KCNIP4: variants seen among roughly 807,000 people sequenced by gnomAD.
The protein encoded by KCNIP4 is potassium voltage-gated channel interacting protein 4.
A neutral mutation model predicts 34.0 loss-of-function variants in KCNIP4; 12 were observed. The ratio of observed to expected loss-of-function variants is 0.35; its 90% CI spans 0.23 to 0.57. The LOEUF (loss-of-function observed/expected upper bound fraction) is 0.57. KCNIP4 is among the 20% of genes least tolerant of loss of function. The probability of loss-of-function intolerance (pLI) is 0.83; values close to 1 mark genes in which losing one functional copy is unlikely to be tolerated. For synonymous variants in KCNIP4, 124 were observed against 102.2 expected, an observed-to-expected ratio of 1.21 and a Z score of -1.29; for missense variants, 238 against 311.7, an observed-to-expected ratio of 0.76 and a Z score of 1.78.
At chr4:21,345,261 G>A (rs773666849) in intron 1 of KCNIP4, among the ~76,000 whole-genome samples, 4 of 152,026 alleles carry the variant, frequency 2.6e-5, no homozygotes, top group South Asian at 2.1e-4. Flanking sequence ...AACTGGGGTC[G>A]GTCCACAACC....
intron 1 of KCNIP4, among the ~76,000 whole-genome samples, chr4:21,087,953 G>A (rs188542326): frequency 1.0e-3 from 155 of 151,962 alleles, no homozygotes; most frequent in African/African-American, 3.3e-3. Context: ...ATATAATGTC[G>A]CTACTTATTT....
At chr4:20,767,686 C>T (rs909092335) in intron 3 of KCNIP4, among the ~76,000 whole-genome samples, 6 of 152,066 alleles carry the variant, frequency 3.9e-5, no homozygotes, top group African/African-American at 1.2e-4. Context: ...AATCTTTGCC[C>T]ACTCTATTAG....
At chr4:21,556,930 A>AAAAC (rs1739094153) in intron 1 of KCNIP4, among the ~76,000 whole-genome samples, 1 of 108,192 alleles carries the variant, frequency 9.2e-6, no homozygotes, top group African/African-American at 3.2e-5. Context: ...CAGAAAAAAA[A>AAAAC]AAAAAAAAAA....
chr4:21,501,870 A>T (rs1733383108), intron 1 of KCNIP4, among the ~76,000 whole-genome samples: 1 of 149,842 alleles, frequency 6.7e-6, no homozygotes, highest in South Asian at 2.1e-4. Context: ...CCCCTTGCTG[A>T]CAATTTAAAA....
At chr4:21,229,712 C>A (rs1758658031) in intron 1 of KCNIP4, among the ~76,000 whole-genome samples, 2 of 152,084 alleles carry the variant, frequency 1.3e-5, no homozygotes, top group South Asian at 4.1e-4. Context: ...CTTTAGAAGG[C>A]ATCATTGGAG....
chr4:21,116,155 A>G (rs11929857), intron 1 of KCNIP4, among the ~76,000 whole-genome samples: 71,161 of 152,028 alleles, frequency 0.47, 17,544 homozygotes, highest in African/African-American at 0.63. Context: ...TCTATTTATA[A>G]ATAGCAAGTA....
chr4:21,489,788 T>A lies in KCNIP4; in HGVS notation c.61+458783A>T, dbSNP rs904441722. On this transcript the variant is annotated intron_variant, in intron 1 of 8. Transcript: ENST00000382152. ...TAGACTCAGAATACAGACAATTTTT[T>A]ATCACTGGGAGTCTTTAATCCCAAA... is the stretch of plus-strand genomic sequence containing the variant. Among the ~76,000 whole-genome samples the A allele has an allele frequency of 3.9e-5, 6 of 152,256 alleles. No individual in the cohort carries two copies. In the East Asian group the frequency reaches 1.2e-3, roughly 29 times the overall value.
At chr4:21,107,601 T>C (rs1373635174) in intron 1 of KCNIP4, among the ~76,000 whole-genome samples, 2 of 148,938 alleles carry the variant, frequency 1.3e-5, no homozygotes, top group African/African-American at 5.1e-5. Flanking sequence ...CCATTTACAT[T>C]TAAAGTTAAT....
chr4:20,999,396 G>A (rs1737858212), intron 1 of KCNIP4, among the ~76,000 whole-genome samples: 1 of 147,508 alleles, frequency 6.8e-6, no homozygotes, highest in African/African-American at 2.5e-5. Context: ...CAAAAAAGAG[G>A]GTTTTTGTTG....
At chr4:20,756,891 A>G (rs1754521161) in intron 4 of KCNIP4, among the ~76,000 whole-genome samples, 1 of 151,860 alleles carries the variant, frequency 6.6e-6, no homozygotes, top group African/African-American at 2.4e-5. Flanking sequence ...TGCTGGCCTC[A>G]TGGAGCTTGC....
intron 3 of KCNIP4, among the ~76,000 whole-genome samples, chr4:20,765,912 A>T (rs1000123750): frequency 1.3e-5 from 2 of 152,186 alleles, no homozygotes; most frequent in Non-Finnish European, 2.9e-5. Flanking sequence ...GAGGGTCAAG[A>T]TTAGTTGTAG....
intron 1 of KCNIP4, among the ~76,000 whole-genome samples, chr4:20,892,051 A>G (rs995609456): frequency 1.3e-5 from 2 of 152,198 alleles, no homozygotes; most frequent in East Asian, 1.9e-4. Flanking sequence ...TGGATCTTGC[A>G]GTCAGCCCCA....
rs1267650268 is a variant in KCNIP4, at chr4:21,604,703, T to C, written c.61+343868A>G. Among the ~76,000 whole-genome samples, 5 of 152,154 alleles carry C rather than the reference T, an allele frequency of 3.3e-5. No individual in the cohort carries two copies. In the South Asian group the frequency reaches 8.3e-4, roughly 25 times the overall value. ...TTTTACACGGACTACCTCTGAAAAA[T>C]ATAAATTGGATGCTATTTGTCTGAA... On this transcript the variant is annotated intron_variant, in intron 1 of 8. Coordinates refer to ENST00000382152, the MANE Select transcript of KCNIP4 (RefSeq NM_025221.6).
At chr4:21,615,088 G>A (rs1744483004) in intron 1 of KCNIP4, among the ~76,000 whole-genome samples, 1 of 151,664 alleles carries the variant, frequency 6.6e-6, no homozygotes, top group Non-Finnish European at 1.5e-5. Flanking sequence ...GAAGATAAGA[G>A]TAGCACAATT....
intron 3 of KCNIP4, among the ~76,000 whole-genome samples, chr4:20,815,339 G>A (rs1353790362): frequency 2.6e-5 from 4 of 152,130 alleles, no homozygotes; most frequent in Non-Finnish European, 5.9e-5. Context: ...TCATTTAAGA[G>A]CACATTTTAG....
At chr4:20,850,407 C>T (rs1412652524) in intron 3 of KCNIP4, 136 bp downstream of exon 3, 1 of 906,690 alleles carries the variant, frequency 1.1e-6, no homozygotes, top group Admixed American at 2.3e-5. Flanking sequence ...GATTATATTC[C>T]TATCTGGGAA....
intron 3 of KCNIP4, among the ~76,000 whole-genome samples, chr4:20,834,839 A>T (rs931795842): frequency 4.6e-5 from 7 of 152,176 alleles, no homozygotes; most frequent in African/African-American, 1.7e-4. Flanking sequence ...AATTGAAAGA[A>T]GCCCAAGAGA....
chr4:21,393,956 C>A (rs1402328844), intron 1 of KCNIP4, among the ~76,000 whole-genome samples: 3 of 152,162 alleles, frequency 2.0e-5, no homozygotes, highest in Non-Finnish European at 4.4e-5. Flanking sequence ...GATCAAATGT[C>A]TGGATAATTC....
At chr4:20,979,693 TG>T (rs1735881967) in intron 1 of KCNIP4, among the ~76,000 whole-genome samples, 1 of 152,042 alleles carries the variant, frequency 6.6e-6, no homozygotes, top group South Asian at 2.1e-4. Context: ...CCACCGCGCC[TG>T]GCTCTGCTTG....
Sources: gnomAD v4.1 joint callset for allele counts (sites outside exome capture counted in the v4.1 genomes callset) on GRCh38, gnomAD v4.1.1 for gene constraint, MANE v1.5 for transcripts, NCBI Gene and HGNC (gene_info 2026-07-23, HGNC 2026-07-21) for gene names.